Variants in VAV3 observed in about 807,000 individuals in gnomAD.
VAV3 encodes vav guanine nucleotide exchange factor 3.
Under a neutral mutation model 131.2 loss-of-function variants are expected in VAV3, and 94 were observed. The observed-to-expected ratio is 0.72, with a 90% CI of 0.61 to 0.85. The LOEUF (loss-of-function observed/expected upper bound fraction) is 0.85, where lower values mean the gene tolerates loss of function less well. Ranked by LOEUF, VAV3 falls within the 40% of genes least tolerant of loss-of-function variation. The pLI, the probability that VAV3 is intolerant of heterozygous loss-of-function variation, is 0.00. For synonymous variants in VAV3, 349 were observed against 342.0 expected (o/e 1.02, Z -0.22); for missense variants, 939 against 1,002.7 (o/e 0.94, Z 0.86).
chr1:107,922,976 A>C (rs2101163006), intron 1 of VAV3, among the ~76,000 whole-genome samples: 1 of 152,006 alleles, frequency 6.6e-6, no homozygotes, highest in South Asian at 2.1e-4. Context: ...AAAAAAAAAA[A>C]AAGAGCACAA....
At chr1:107,835,472 TG>T (rs1325251813) in intron 2 of VAV3, among the ~76,000 whole-genome samples, 1 of 152,114 alleles carries the variant, frequency 6.6e-6, no homozygotes, top group Non-Finnish European at 1.5e-5. Context: ...GTGCGGTTTG[TG>T]GGCCAGTGTG....
chr1:107,751,939 T>C (rs1338147463), intron 12 of VAV3, among the ~76,000 whole-genome samples: 1 of 152,162 alleles, frequency 6.6e-6, no homozygotes. Flanking sequence ...TAAAAATAAA[T>C]GTATCTTATC....
At chr1:107,624,074 T>C (rs1251936165) in intron 20 of VAV3, among the ~76,000 whole-genome samples, 2 of 152,154 alleles carry the variant, frequency 1.3e-5, no homozygotes, top group African/African-American at 4.8e-5. Flanking sequence ...TTGTGTTTAT[T>C]ACATCTCTGA....
intron 19 of VAV3, among the ~76,000 whole-genome samples, chr1:107,678,343 A>G (rs1658358530): frequency 6.6e-6 from 1 of 152,216 alleles, no homozygotes; most frequent in Non-Finnish European, 1.5e-5. Context: ...GTGATAGAAA[A>G]GACAGAAGCA....
intron 2 of VAV3, among the ~76,000 whole-genome samples, chr1:107,811,569 G>C (rs1360025549): frequency 6.6e-6 from 1 of 151,962 alleles, no homozygotes; most frequent in Non-Finnish European, 1.5e-5. Flanking sequence ...AACAATTCTA[G>C]GTTATTAAAA....
At chr1:107,820,482 G>A (rs949922719) in intron 2 of VAV3, among the ~76,000 whole-genome samples, 1 of 152,024 alleles carries the variant, frequency 6.6e-6, no homozygotes, top group African/African-American at 2.4e-5. Context: ...TGGGGGGGTA[G>A]GGTGTAGGGA....
intron 17 of VAV3, among the ~76,000 whole-genome samples, chr1:107,693,448 C>T (rs142448350): frequency 1.5e-3 from 233 of 152,126 alleles, no homozygotes; most frequent in African/African-American, 5.4e-3. Context: ...AAATGAGGTG[C>T]TTCATTCAGA....
At chr1:107,822,677 TAAATAAA>T (rs1667849774) in intron 2 of VAV3, among the ~76,000 whole-genome samples, 1 of 149,998 alleles carries the variant, frequency 6.7e-6, no homozygotes, top group Admixed American at 6.6e-5. Flanking sequence ...AATAAATAAA[TAAATAAA>T]TAAATAATAA....
In VAV3 at chr1:107,774,913, C is replaced by CTTTTTTT. The variant is rs375088872; in HGVS notation, c.447-2077_447-2071dup. On this transcript the variant is annotated intron_variant, in intron 4 of 26. Coordinates refer to ENST00000370056, the MANE Select transcript of VAV3 (RefSeq NM_006113.5). ...AGCATGTCTAGGGATAATACATTTG[C>CTTTTTTT]TTTTTTTTTTTTTTTAAGATAACCC... Among the ~76,000 whole-genome samples, 4 of 130,624 alleles carry CTTTTTTT rather than the reference C, an allele frequency of 3.1e-5. No individual in the cohort carries two copies. The East Asian group carries it at 8.0e-4, about 26-fold the overall frequency. 85.7% of individuals were successfully genotyped at this position (130,624 alleles called of 152,430 possible).
chr1:107,635,585 C>T (rs951240546), intron 20 of VAV3, among the ~76,000 whole-genome samples: 12 of 152,052 alleles, frequency 7.9e-5, no homozygotes, highest in African/African-American at 1.7e-4. Context: ...CAAACCTGCA[C>T]GTTGTGCACA....
At chr1:107,746,447 T>C (rs1479542587) in intron 15 of VAV3, among the ~76,000 whole-genome samples, 1 of 152,116 alleles carries the variant, frequency 6.6e-6, no homozygotes, top group Non-Finnish European at 1.5e-5. Flanking sequence ...TGGAAAACAA[T>C]CAAAGATTAA....
intron 20 of VAV3, among the ~76,000 whole-genome samples, chr1:107,630,275 A>G (rs1256546152): frequency 6.6e-6 from 1 of 152,268 alleles, no homozygotes; most frequent in African/African-American, 2.4e-5. Flanking sequence ...AAACACAGTC[A>G]GTTACATAGT....
At chr1:107,586,677 A>G (rs181021706) in intron 25 of VAV3, among the ~76,000 whole-genome samples, 1 of 152,252 alleles carries the variant, frequency 6.6e-6, no homozygotes, top group East Asian at 1.9e-4. Flanking sequence ...ATTTTGAAAA[A>G]GAAAAGGAAG....
At chr1:107,943,671 G>A (rs1175369491) in intron 1 of VAV3, among the ~76,000 whole-genome samples, 4 of 152,198 alleles carry the variant, frequency 2.6e-5, no homozygotes, top group African/African-American at 9.6e-5. Context: ...GAACCTGGGA[G>A]GCAGAGGTTG....
chr1:107,770,560 A>C, intron 6 of VAV3, 76 bp downstream of exon 6: 2 of 963,506 alleles, frequency 2.1e-6, no homozygotes, highest in Non-Finnish European at 3.3e-6. Context: ...ACACACCTTC[A>C]GAAGAAACAG....
chr1:107,659,433 C>T lies in VAV3; in HGVS notation c.1778-16678G>A, dbSNP rs927136255. On this transcript the variant is annotated intron_variant, in intron 19 of 26. Transcript: ENST00000370056. ...TTAAAAATAACTACTTACATTTCTA[C>T]GAATCCTATAGACTTCAGCTCTTCA... Among the ~76,000 whole-genome samples the T allele has an allele frequency of 9.2e-5, 14 of 152,236 alleles. No individual in the cohort carries two copies. In the South Asian group the frequency reaches 1.2e-3, roughly 14 times the overall value.
intron 19 of VAV3, among the ~76,000 whole-genome samples, chr1:107,665,635 A>C (rs1192673193): frequency 6.6e-6 from 1 of 152,220 alleles, no homozygotes; most frequent in East Asian, 1.9e-4. Flanking sequence ...ATGATCGGTC[A>C]TATGACAAGG....
At chr1:107,599,314 AT>A (rs1304059096) in intron 24 of VAV3, among the ~76,000 whole-genome samples, 1 of 152,134 alleles carries the variant, frequency 6.6e-6, no homozygotes, top group Admixed American at 6.6e-5. Context: ...TGCTTTCTGT[AT>A]TTTAGTCTAA....
At chr1:107,935,130 T>A (rs1387808245) in intron 1 of VAV3, among the ~76,000 whole-genome samples, 1 of 152,254 alleles carries the variant, frequency 6.6e-6, no homozygotes, top group Non-Finnish European at 1.5e-5. Flanking sequence ...ACTTTCAACA[T>A]AAATTCCTAA....
Sources: gnomAD v4.1 joint callset for allele counts (sites outside exome capture counted in the v4.1 genomes callset) on GRCh38, gnomAD v4.1.1 for gene constraint, MANE v1.5 for transcripts, NCBI Gene and HGNC (gene_info 2026-07-23, HGNC 2026-07-21) for gene names.